Variants in HBS1L observed in about 807,000 individuals in gnomAD.
HBS1L encodes HBS1 like translational GTPase, also known as HBS1-like protein.
HBS1L carries 55 observed loss-of-function variants against 88.9 expected under a neutral mutation model. The ratio of observed to expected loss-of-function variants is 0.62; its 90% confidence interval spans 0.50 to 0.77. HBS1L has a LOEUF of 0.77. HBS1L is among the 30% of genes least tolerant of loss of function. The probability of loss-of-function intolerance (pLI) is 0.00; values close to 1 mark genes in which losing one functional copy is unlikely to be tolerated. For missense variants in HBS1L, 741 were observed against 829.3 expected, an observed-to-expected ratio of 0.89 and a Z score of 1.31; for synonymous variants, 267 against 288.5, an observed-to-expected ratio of 0.93 and a Z score of 0.76.
At chr6:134,994,823 C>T (rs1464913012) in intron 7 of HBS1L, among the ~76,000 whole-genome samples, 1 of 152,008 alleles carries the variant, frequency 6.6e-6, no homozygotes, top group Non-Finnish European at 1.5e-5. Context: ...TCTACAAGGG[C>T]ACTCAGTCAT....
Position 135,037,731 on chromosome 6 carries a change from G to A in HBS1L, c.430+1842C>T, listed in dbSNP as rs1420379365. The A allele has an allele frequency of 4.5e-6, 7 of 1,550,530 alleles. No individual in the cohort carries two copies. In the East Asian group the frequency reaches 1.7e-4, roughly 38 times the overall value. On this transcript the variant is annotated intron_variant, in intron 4 of 17. Transcript: ENST00000367837. ...CCAGACTGTCTGTAGATGATAATCT[G>A]ACTGATGGCTGACTTTCACAGGAAT...
chr6:135,014,782 T>A (rs1775869992), intron 4 of HBS1L, among the ~76,000 whole-genome samples: 1 of 136,150 alleles, frequency 7.3e-6, no homozygotes, highest in Non-Finnish European at 1.5e-5. Context: ...CTTGGGAGAC[T>A]GAGGTGGGCA....
intron 4 of HBS1L, among the ~76,000 whole-genome samples, chr6:135,038,884 T>C (rs1015512909): frequency 1.3e-5 from 2 of 152,166 alleles, no homozygotes; most frequent in Admixed American, 6.5e-5. Context: ...TAACATTAAT[T>C]AGCTGGCTGT....
At chr6:134,987,352 A>C (rs1354205961) in intron 9 of HBS1L, among the ~76,000 whole-genome samples, 1 of 152,152 alleles carries the variant, frequency 6.6e-6, no homozygotes, top group Non-Finnish European at 1.5e-5. Flanking sequence ...GAGAATTGGT[A>C]ATATAGGTTT....
intron 4 of HBS1L, among the ~76,000 whole-genome samples, chr6:135,035,454 G>T (rs1459060836): frequency 6.9e-6 from 1 of 145,168 alleles, no homozygotes; most frequent in African/African-American, 2.6e-5. Context: ...AAAATAATAA[G>T]AACAGGCCGG....
intron 16 of HBS1L, 103 bp from the exon 17 acceptor site, chr6:134,966,576 CTGAG>C: frequency 1.4e-6 from 1 of 707,252 alleles, no homozygotes; most frequent in Non-Finnish European, 2.2e-6. Context: ...AACATATCAA[CTGAG>C]TCTTTCAAAA....
chr6:135,033,086 T>C (rs1250977187), intron 4 of HBS1L, among the ~76,000 whole-genome samples: 1 of 152,108 alleles, frequency 6.6e-6, no homozygotes, highest in Non-Finnish European at 1.5e-5. Flanking sequence ...ATCAGATCTT[T>C]TAAGAAACCA....
intron 17 of HBS1L, among the ~76,000 whole-genome samples, chr6:134,965,904 T>G (rs540361386): frequency 6.6e-6 from 1 of 152,332 alleles, no homozygotes; most frequent in South Asian, 2.1e-4. Context: ...TTATGTTATA[T>G]CCAATTAAAT....
chr6:134,993,172 T>C (rs1405857593), intron 8 of HBS1L, among the ~76,000 whole-genome samples: 1 of 152,198 alleles, frequency 6.6e-6, no homozygotes, highest in African/African-American at 2.4e-5. Flanking sequence ...AACTCAAATA[T>C]GTTCACAAAT....
chr6:135,034,770 C>T (rs1248100383), intron 4 of HBS1L, among the ~76,000 whole-genome samples: 1 of 152,138 alleles, frequency 6.6e-6, no homozygotes, highest in Admixed American at 6.5e-5. Flanking sequence ...CTTGGTATTC[C>T]TGATTTCTAG....
chr6:135,021,983 A>G (rs994920230), intron 4 of HBS1L, among the ~76,000 whole-genome samples: 6 of 152,186 alleles, frequency 3.9e-5, no homozygotes, highest in Admixed American at 3.9e-4. Flanking sequence ...CCATATTCAG[A>G]CTGAAAGCAG....
At position 135,039,624 on chromosome 6, in the gene HBS1L, T is replaced by G; in HGVS notation, c.379A>C (p.Ser127Arg). The change falls in exon 4 of 18, where the codon AGT (serine) becomes CGT (arginine). Residue 127 changes from serine to arginine, a missense_variant. By Grantham distance (110) the Ser-to-Arg change is moderately radical (BLOSUM62 -1). Transcript: ENST00000367837. ...SGVLEQDRVQ[S>R]LKDKNEATVS... Reference sequence around the variant, plus strand: ...GTTGCCTCATTCTTGTCCTTCAAACTCTGCACTCTATCTTGTTCCAGAACC... The same window carrying G: ...GTTGCCTCATTCTTGTCCTTCAAACGCTGCACTCTATCTTGTTCCAGAACC... 6.2e-7 allele frequency: 1 copy of G among 1,614,152 alleles called. No individual in the cohort carries two copies. Among genetic ancestry groups the G allele is most frequent in the Non-Finnish European group, 8.5e-7 (1 of 1,180,002 alleles).
intron 15 of HBS1L, among the ~76,000 whole-genome samples, 153 bp from the exon 16 acceptor site, chr6:134,969,491 C>T (rs1219819739): frequency 1.3e-5 from 2 of 152,178 alleles, no homozygotes; most frequent in Non-Finnish European, 2.9e-5. Flanking sequence ...CCACTCTAAT[C>T]AGGTGGTTAC....
intron 3 of HBS1L, among the ~76,000 whole-genome samples, chr6:135,040,497 G>A (rs960850256): frequency 1.3e-5 from 2 of 151,642 alleles, no homozygotes; most frequent in East Asian, 1.9e-4. Context: ...GATTATGGAC[G>A]CCCGCCACCA....
intron 4 of HBS1L, among the ~76,000 whole-genome samples, chr6:135,011,754 A>T (rs1410437864): frequency 2.0e-5 from 3 of 151,966 alleles, no homozygotes; most frequent in African/African-American, 7.3e-5. Flanking sequence ...AAAAATACAA[A>T]AATTAGCCAG....
chr6:134,993,021 T>C lies in HBS1L; in HGVS notation c.1083+737A>G, dbSNP rs146965053. Among the ~76,000 whole-genome samples, 151 of 152,320 alleles carry C rather than the reference T, an allele frequency of 9.9e-4. 1 individual carries two copies. Among genetic ancestry groups the C allele is most frequent in the African/African-American group, 3.4e-3 (143 of 41,582 alleles). On this transcript the variant is annotated intron_variant, in intron 8 of 17. Coordinates refer to ENST00000367837, the MANE Select transcript of HBS1L (RefSeq NM_006620.4). ...TATGATATGCTTAGATCAGTTTAGA[T>C]ACACAAATATTTACCACTGTGCCAC... is the stretch of plus-strand genomic sequence containing the variant.
chr6:135,019,895 T>C (rs1241463522), intron 4 of HBS1L, among the ~76,000 whole-genome samples: 1 of 151,864 alleles, frequency 6.6e-6, no homozygotes, highest in African/African-American at 2.4e-5. Context: ...GAAATTAATA[T>C]TGTTTAGGGA....
chr6:134,982,254 A>G, intron 13 of HBS1L: 1 of 507,832 alleles, frequency 2.0e-6, no homozygotes, highest in Non-Finnish European at 3.5e-6. Flanking sequence ...ATGTTTATGT[A>G]CATATATATA....
At chr6:134,992,700 TAA>T (rs1775176935) in intron 8 of HBS1L, among the ~76,000 whole-genome samples, 1 of 152,184 alleles carries the variant, frequency 6.6e-6, no homozygotes, top group South Asian at 2.1e-4. Flanking sequence ...TGCTTTAAGC[TAA>T]GTGTTATTAT....
Sources: allele counts gnomAD v4.1 joint callset (sites outside exome capture counted in the v4.1 genomes callset), GRCh38; gene constraint gnomAD v4.1.1; transcripts MANE v1.5; gene names NCBI Gene and HGNC (gene_info 2026-07-23, HGNC 2026-07-21).